CREB5: variants seen among roughly 807,000 people sequenced by gnomAD.
CREB5 encodes the protein cAMP responsive element binding protein 5.
In CREB5, 19 loss-of-function variants were observed where a neutral mutation model predicts 57.1. The ratio of observed to expected loss-of-function variants is 0.33; its 90% CI spans 0.23 to 0.49. The LOEUF is 0.49. CREB5 is among the 20% of genes least tolerant of loss of function. The probability of loss-of-function intolerance (pLI) is 0.99; values close to 1 mark genes in which losing one functional copy is unlikely to be tolerated. For synonymous variants in CREB5, 238 were observed against 238.3 expected, an observed-to-expected ratio of 1.00 and a Z score of 0.01; for missense variants, 579 against 671.6, an observed-to-expected ratio of 0.86 and a Z score of 1.52.
chr7:28,517,948 C>T (rs973895763), intron 4 of CREB5, among the ~76,000 whole-genome samples: 8 of 151,968 alleles, frequency 5.3e-5, no homozygotes, highest in Non-Finnish European at 8.8e-5. Flanking sequence ...AGGATGAGAC[C>T]GGTGTGTATG....
intron 8 of CREB5, among the ~76,000 whole-genome samples, chr7:28,807,417 C>G (rs1808800828): frequency 6.6e-6 from 1 of 152,150 alleles, no homozygotes; most frequent in Non-Finnish European, 1.5e-5. Context: ...CCACTGCACT[C>G]CAGGCTGGGC....
chr7:28,719,937 G>A (rs991154349), intron 6 of CREB5, among the ~76,000 whole-genome samples: 3 of 152,210 alleles, frequency 2.0e-5, no homozygotes, highest in African/African-American at 7.2e-5. Flanking sequence ...GCATGAACCT[G>A]TAGTCCCAGC....
At chr7:28,781,139 T>A (rs1806948438) in intron 7 of CREB5, among the ~76,000 whole-genome samples, 1 of 152,180 alleles carries the variant, frequency 6.6e-6, no homozygotes, top group Non-Finnish European at 1.5e-5. Flanking sequence ...AAGTCGACTC[T>A]CTGAGCAACA....
At chr7:28,670,371 C>T (rs745313850) in intron 5 of CREB5, among the ~76,000 whole-genome samples, 17 of 152,178 alleles carry the variant, frequency 1.1e-4, no homozygotes, top group Non-Finnish European at 1.9e-4. Flanking sequence ...GTAACTGAAA[C>T]GGCAGAAAAC....
chr7:28,593,526 G>C (rs1335292486), intron 5 of CREB5, among the ~76,000 whole-genome samples: 1 of 152,250 alleles, frequency 6.6e-6, no homozygotes, highest in Non-Finnish European at 1.5e-5. Flanking sequence ...TGGGATTACA[G>C]GTGTGAGCCA....
chr7:28,320,845 A>G (rs966704627), intron 1 of CREB5, among the ~76,000 whole-genome samples: 16 of 152,246 alleles, frequency 1.1e-4, no homozygotes, highest in Non-Finnish European at 2.2e-4. Context: ...AATGTAAGCA[A>G]AGTGGATACA....
Position 28,458,821 on chromosome 7 carries a change from G to A in CREB5, c.4-29354G>A, listed in dbSNP as rs761351191. Among the ~76,000 whole-genome samples the A allele has an allele frequency of 3.9e-5, 6 of 152,142 alleles. No homozygotes were observed. The East Asian group carries it at 5.8e-4, about 15-fold the overall frequency. ...GACATAAATGCAATACCTAGGTGGC[G>A]CCTGAGACACAGTGGGCCTTGGAAA... On this transcript the variant is annotated intron_variant, in intron 1 of 10. Transcript: ENST00000357727.
chr7:28,308,510 A>G (rs1785224958), intron 1 of CREB5, among the ~76,000 whole-genome samples: 1 of 152,330 alleles, frequency 6.6e-6, no homozygotes. Context: ...TGAGATGCAA[A>G]AAGGTGAAGT....
chr7:28,750,942 C>A (rs575415727), intron 7 of CREB5, among the ~76,000 whole-genome samples: 92 of 152,088 alleles, frequency 6.0e-4, no homozygotes, highest in Non-Finnish European at 9.9e-4. Flanking sequence ...CCCTATGGAA[C>A]CTTTCAATTG....
At chr7:28,523,010 A>G (rs1793277424) in intron 4 of CREB5, among the ~76,000 whole-genome samples, 1 of 152,212 alleles carries the variant, frequency 6.6e-6, no homozygotes, top group African/African-American at 2.4e-5. Context: ...CTGGTTGTAC[A>G]GACTGCCACC....
intron 1 of CREB5, among the ~76,000 whole-genome samples, chr7:28,362,623 T>C (rs904934880): frequency 6.6e-6 from 1 of 152,246 alleles, no homozygotes; most frequent in Non-Finnish European, 1.5e-5. Context: ...TCTCAATAGA[T>C]AACACTAGCA....
intron 7 of CREB5, among the ~76,000 whole-genome samples, chr7:28,736,545 A>G (rs915092333): frequency 4.6e-5 from 7 of 152,160 alleles, no homozygotes; most frequent in African/African-American, 1.7e-4. Flanking sequence ...GGGTGTCCTC[A>G]TTTTTGTAGA....
At chr7:28,722,343 A>G (rs970477810) in intron 6 of CREB5, among the ~76,000 whole-genome samples, 3 of 152,124 alleles carry the variant, frequency 2.0e-5, no homozygotes, top group African/African-American at 7.2e-5. Context: ...TTATTTTGGA[A>G]TTTGATTTCC....
At position 28,464,493 on chromosome 7, in the gene CREB5, TTGCGTG is replaced by T. The variant is rs772847275; in HGVS notation, c.4-23679_4-23674del. Among the ~76,000 whole-genome samples, 1,050 of 107,822 alleles carry T rather than the reference TTGCGTG, an allele frequency of 9.7e-3. 12 individuals are homozygous for T. The highest frequency in any genetic ancestry group is 0.036 in the African/African-American group (997 of 27,400). 70.7% of individuals were successfully genotyped at this position (107,822 alleles called of 152,430 possible). Reference sequence around the variant, plus strand: ...GGCCTGATCTCTCCTTTGTGGAAAGTTGCGTGTGTGTGTGTGTGTGTGTGTGTGTGT... The same window carrying T: ...GGCCTGATCTCTCCTTTGTGGAAAGTTGTGTGTGTGTGTGTGTGTGTGTGT... On this transcript the variant is annotated intron_variant, in intron 1 of 10. Transcript: ENST00000357727.
intron 1 of CREB5, among the ~76,000 whole-genome samples, chr7:28,373,664 A>T (rs897701479): frequency 4.6e-5 from 7 of 151,764 alleles, no homozygotes; most frequent in African/African-American, 1.7e-4. Flanking sequence ...GGGCTCAAGC[A>T]ATCCACCTGC....
Position 28,575,213 on chromosome 7 carries a change from T to C in CREB5, c.464+4676T>C, listed in dbSNP as rs141252127. Among the ~76,000 whole-genome samples the C allele has an allele frequency of 1.8e-3, 274 of 152,258 alleles. 1 individual carries two copies. Among genetic ancestry groups the C allele is most frequent in the African/African-American group, 6.3e-3 (263 of 41,558 alleles). On this transcript the variant is annotated intron_variant, in intron 5 of 10. Transcript: ENST00000357727. ...GAAAAGCTGATTACATCTCAAAATT[T>C]GTTGGTGGCAGAAGCAATGCTACGA...
intron 7 of CREB5, among the ~76,000 whole-genome samples, chr7:28,737,527 GTATATATATACGTATATATATATA>G (rs1363799479): frequency 1.5e-4 from 13 of 84,292 alleles, no homozygotes; most frequent in Non-Finnish European, 2.6e-4. Context: ...GTGTATATAT[GTATATATATACGTATATATATATA>G]TATATATATA....
At chr7:28,591,085 T>A (rs1796496363) in intron 5 of CREB5, among the ~76,000 whole-genome samples, 1 of 152,198 alleles carries the variant, frequency 6.6e-6, no homozygotes. Flanking sequence ...CACTGTTTAG[T>A]CTCACATAAA....
At chr7:28,659,884 T>C (rs570831794) in intron 5 of CREB5, among the ~76,000 whole-genome samples, 12 of 152,226 alleles carry the variant, frequency 7.9e-5, no homozygotes, top group Admixed American at 5.2e-4. Flanking sequence ...GTGGTATCAT[T>C]ATTGGATCAG....
Sources: allele counts gnomAD v4.1 joint callset (sites outside exome capture counted in the v4.1 genomes callset), GRCh38; gene constraint gnomAD v4.1.1; transcripts MANE v1.5; gene names NCBI Gene and HGNC (gene_info 2026-07-23, HGNC 2026-07-21).